Variants in TRIM65 observed in about 807,000 individuals in gnomAD.
The protein encoded by TRIM65 is tripartite motif containing 65.
In TRIM65, 46 loss-of-function variants were observed where a neutral mutation model predicts 36.1. The ratio of observed to expected loss-of-function variants is 1.27; its 90% confidence interval spans 1.01 to 1.63. The LOEUF (loss-of-function observed/expected upper bound fraction) is 1.63, where lower values mean the gene tolerates loss of function less well. Among genes scored for constraint, TRIM65 ranks in the 40% most tolerant of loss-of-function variants. The pLI, the probability that TRIM65 is intolerant of heterozygous loss-of-function variation, is 0.00. For missense variants in TRIM65, 708 were observed against 696.6 expected, an observed-to-expected ratio of 1.02 and a Z score of -0.18; for synonymous variants, 346 against 313.6, an observed-to-expected ratio of 1.10 and a Z score of -1.09.
intron 5 of TRIM65, among the ~76,000 whole-genome samples, chr17:75,891,579 G>A (rs1359734755): frequency 1.3e-5 from 2 of 152,210 alleles, no homozygotes; most frequent in African/African-American, 4.8e-5. Flanking sequence ...ACGGGTCTGT[G>A]CCCCAGACTC....
At chr17:75,885,232 T>A (rs1463688049), downstream of TRIM65, among the ~76,000 whole-genome samples, 1 of 152,196 alleles carries the variant, frequency 6.6e-6, no homozygotes, top group Non-Finnish European at 1.5e-5. Flanking sequence ...AGCCCCAGGT[T>A]CCCTTTTTTA....
At chr17:75,886,798 A>T (rs1234484653), downstream of TRIM65, among the ~76,000 whole-genome samples, 1 of 152,112 alleles carries the variant, frequency 6.6e-6, no homozygotes, top group African/African-American at 2.4e-5. Context: ...AACACCCACA[A>T]GCTAATCAAA....
In TRIM65 at chr17:75,892,467, C is replaced by T. The variant is rs151162286; in HGVS notation, c.544G>A (p.Gly182Ser). The T allele has an allele frequency of 1.4e-5, 23 of 1,613,932 alleles. No individual in the cohort carries two copies. Among genetic ancestry groups the T allele is most frequent in the Admixed American group, 6.7e-5 (4 of 59,984 alleles). The change falls in exon 3 of 6, where the codon GGC (glycine) becomes AGC (serine). Residue 182 changes from glycine (G) to serine (S), a missense_variant. Physicochemically the swap from Gly to Ser is moderately conservative, Grantham distance 56. Coordinates refer to ENST00000269383, the MANE Select transcript of TRIM65 (RefSeq NM_173547.4). ...GCCTGTAGCAGGCTGCTGAACTTGC[C>T]GGAGACCCAGGAGGCCAAGATGCAG... Reference protein sequence around the residue: ...SACILASWVSGKFSSLLQALE... With the variant: ...SACILASWVSSKFSSLLQALE...
intron 4 of TRIM65, among the ~76,000 whole-genome samples, chr17:75,883,890 A>G (rs893762666): frequency 1.3e-5 from 2 of 152,152 alleles, no homozygotes; most frequent in Non-Finnish European, 2.9e-5. Flanking sequence ...TATTATTTAA[A>G]AAGTAAACAG....
Position 75,891,185 on chromosome 17 carries a change from T to G in TRIM65, c.1148A>C (p.His383Pro). The G allele has an allele frequency of 6.2e-7, 1 of 1,611,272 alleles. No homozygotes were observed. The highest frequency in any genetic ancestry group is 8.5e-7 in the Non-Finnish European group (1 of 1,179,958). The change falls in exon 6 of 6, where the codon CAC (histidine) becomes CCC (proline). Residue 383 changes from histidine to proline, a missense_variant. Transcript: ENST00000269383. ...TGACGCGCGCACCTCCCAGTAGTGG[T>G]GCCCGGCCTGGAAGCTCTGGGCACA... ...VQCAQSFQAG[H>P]HYWEVRASDH...
chr17:75,882,877 GTGGTTCACGCCTATAATCCTGGGA>G (rs2065177099), intron 4 of TRIM65, among the ~76,000 whole-genome samples: 1 of 150,080 alleles, frequency 6.7e-6, no homozygotes, highest in South Asian at 2.1e-4. Context: ...GCTGGGTGTG[GTGGTTCACGCCTATAATCCTGGGA>G]CTTTGGGAGC....
Position 75,896,842 on chromosome 17 carries a change from G to C in TRIM65, c.96C>G (p.Cys32Trp). 6.5e-7 allele frequency: 1 copy of C among 1,528,486 alleles called. No homozygotes were observed. The highest frequency in any genetic ancestry group is 8.8e-7 in the Non-Finnish European group (1 of 1,140,328). The allele number at this position is 1,528,486 out of a possible 1,614,324, so 94.7% of individuals were successfully genotyped here. A position where few individuals can be genotyped will look rare whatever the true frequency, so the allele number is the denominator to read the frequency against. The change falls in exon 1 of 6, where the codon TGC becomes TGG. Residue 32 changes from cysteine (C) to tryptophan (W), a missense_variant. Physicochemically the swap from Cys to Trp is radical, Grantham distance 215. Coordinates refer to ENST00000269383, the MANE Select transcript of TRIM65 (RefSeq NM_173547.4). ...PVTLPCGHNFCGACIRDWWDR... is the reference protein window; with the variant it reads ...PVTLPCGHNFWGACIRDWWDR... Reference sequence around the variant, plus strand: ...CCCACCAGTCCCGGATGCAGGCCCCGCAGAAGTTGTGGCCGCAGGGCAGCG... The same window carrying C: ...CCCACCAGTCCCGGATGCAGGCCCCCCAGAAGTTGTGGCCGCAGGGCAGCG...
downstream of TRIM65, among the ~76,000 whole-genome samples, chr17:75,885,537 G>A (rs572248927): frequency 2.0e-5 from 3 of 152,202 alleles, no homozygotes; most frequent in Non-Finnish European, 2.9e-5. Context: ...GAGCCACCGC[G>A]CCCAGCCAGC....
chr17:75,893,047 C>G (rs537678012), intron 1 of TRIM65, among the ~76,000 whole-genome samples, 197 bp from the exon 2 acceptor site: 173 of 152,360 alleles, frequency 1.1e-3, no homozygotes, highest in Non-Finnish European at 1.8e-3. Context: ...AGACAAAGTC[C>G]TTCCTAATCT....
chr17:75,896,858 C>G lies in TRIM65; in HGVS notation c.80G>C (p.Cys27Ser), dbSNP rs868635308. ...GLYQDPVTLP[C>S]GHNFCGACIR... ...GCAGGCCCCGCAGAAGTTGTGGCCG[C>G]AGGGCAGCGTCACTGGGTCCTGGTA... The change falls in exon 1 of 6, where the codon TGC (cysteine) becomes TCC (serine). Residue 27 changes from cysteine (C) to serine (S), a missense_variant. Coordinates refer to ENST00000269383, the MANE Select transcript of TRIM65 (RefSeq NM_173547.4). 5.2e-6 allele frequency: 8 copies of G among 1,531,900 alleles called. No homozygotes were observed. Among genetic ancestry groups the G allele is most frequent in the Non-Finnish European group, 7.0e-6 (8 of 1,142,586 alleles). 94.9% of individuals were successfully genotyped at this position (1,531,900 alleles called of 1,614,324 possible).
downstream of TRIM65, among the ~76,000 whole-genome samples, chr17:75,886,231 C>T (rs926167228): frequency 2.0e-5 from 3 of 152,116 alleles, no homozygotes; most frequent in Admixed American, 1.3e-4. Context: ...GTCCATTAAA[C>T]CTCTTTCCTG....
At chr17:75,881,378 C>T (rs66496607) in intron 4 of TRIM65, among the ~76,000 whole-genome samples, 26,604 of 150,080 alleles carry the variant, frequency 0.18, 3,443 homozygotes, top group African/African-American at 0.27. Flanking sequence ...ACACCAGAGA[C>T]TGGGTGGCTT....
At position 75,892,038 on chromosome 17, in the gene TRIM65, C is replaced by G. The variant is rs775998820; in HGVS notation, c.892G>C (p.Ala298Pro). Residue 298 changes from alanine to proline, a missense_variant, in exon 4 of 6, where the codon GCC (alanine) becomes CCC (proline). Physicochemically the swap from Ala to Pro is conservative, Grantham distance 27. Coordinates refer to ENST00000269383, the MANE Select transcript of TRIM65 (RefSeq NM_173547.4). ...ACGGGGGCTAAGTCCACAGGCTTGG[C>G]TGGTGCCCCAGGGTGGCTCCCCTCT... ...LEEGSHPGAPAKPVDLAPVEA... is the reference protein window; with the variant it reads ...LEEGSHPGAPPKPVDLAPVEA... 6.5e-7 allele frequency: 1 copy of G among 1,549,914 alleles called. No individual in the cohort carries two copies. Among genetic ancestry groups the G allele is most frequent in the Non-Finnish European group, 8.7e-7 (1 of 1,146,410 alleles).
At chr17:75,879,991 T>A (rs908046153), downstream of TRIM65, among the ~76,000 whole-genome samples, 2 of 150,784 alleles carry the variant, frequency 1.3e-5, no homozygotes, top group African/African-American at 5.0e-5. Context: ...TGACTTCAGG[T>A]GATCCACCCG....
downstream of TRIM65, among the ~76,000 whole-genome samples, chr17:75,888,314 T>C (rs1299887729): frequency 6.7e-6 from 1 of 150,290 alleles, no homozygotes; most frequent in Admixed American, 6.6e-5. Context: ...GATCACGCTA[T>C]TGTACTCCAG....
At chr17:75,884,348 A>C (rs1431305024), downstream of TRIM65, among the ~76,000 whole-genome samples, 1 of 151,602 alleles carries the variant, frequency 6.6e-6, no homozygotes, top group Admixed American at 6.6e-5. Context: ...AATCCCAGCT[A>C]CTCCGGAGGC....
intron 1 of TRIM65, 38 bp from the exon 2 acceptor site, chr17:75,892,888 G>A (rs1013518434): frequency 1.3e-6 from 2 of 1,571,082 alleles, no homozygotes; most frequent in African/African-American, 1.3e-5. Flanking sequence ...ACAAGAGAAG[G>A]CCAGGATTGG....
At chr17:75,885,750 T>TG (rs1460012181), downstream of TRIM65, among the ~76,000 whole-genome samples, 1 of 152,246 alleles carries the variant, frequency 6.6e-6, no homozygotes, top group Non-Finnish European at 1.5e-5. Context: ...CATCCCTGAC[T>TG]GACAGTTTGG....
At chr17:75,885,663 A>T (rs1417183094), downstream of TRIM65, among the ~76,000 whole-genome samples, 2 of 151,724 alleles carry the variant, frequency 1.3e-5, no homozygotes, top group African/African-American at 4.9e-5. Flanking sequence ...TTACTTCTTC[A>T]TTTTTGAAAA....
Sources: gnomAD v4.1 joint callset for allele counts (sites outside exome capture counted in the v4.1 genomes callset) on GRCh38, gnomAD v4.1.1 for gene constraint, MANE v1.5 for transcripts, NCBI Gene and HGNC (gene_info 2026-07-23, HGNC 2026-07-21) for gene names.